The following RARB variants were observed in gnomAD, a reference collection of about 807,000 sequenced individuals.
The protein encoded by RARB is HBV-activated protein.
RARB carries 17 observed loss-of-function variants against 51.9 expected under a neutral mutation model. The observed-to-expected ratio is 0.33, with a 90% confidence interval of 0.22 to 0.49. The LOEUF is 0.49. Ranked by LOEUF, RARB falls within the 20% of genes least tolerant of loss-of-function variation. RARB has a pLI of 0.99. For synonymous variants in RARB, 215 were observed against 195.4 expected, an observed-to-expected ratio of 1.10 and a Z score of -0.84; for missense variants, 369 against 550.8, an observed-to-expected ratio of 0.67 and a Z score of 3.30.
intron 2 of RARB, among the ~76,000 whole-genome samples, chr3:24,909,273 A>C (rs1032462595): frequency 6.6e-6 from 1 of 152,224 alleles, no homozygotes; most frequent in Admixed American, 6.5e-5. Flanking sequence ...TCATTCATTC[A>C]ACAAATATTC....
At chr3:24,865,264 A>G (rs1702825598) in intron 2 of RARB, among the ~76,000 whole-genome samples, 2 of 152,246 alleles carry the variant, frequency 1.3e-5, no homozygotes, top group South Asian at 4.1e-4. Flanking sequence ...CGTGCACTCA[A>G]GTCTCACAGT....
chr3:25,469,587 A>G (rs1481265991), intron 2 of RARB, among the ~76,000 whole-genome samples: 2 of 152,206 alleles, frequency 1.3e-5, no homozygotes, highest in African/African-American at 4.8e-5. Context: ...AGACCCAAAA[A>G]GCGTCCCTCT....
intron 5 of RARB, among the ~76,000 whole-genome samples, chr3:25,242,334 CT>C (rs1702452295): frequency 6.6e-6 from 1 of 152,108 alleles, no homozygotes; most frequent in Non-Finnish European, 1.5e-5. Context: ...GAAATTTTGG[CT>C]TTTGTTGACA....
At chr3:25,391,413 T>C (rs930371383) in intron 5 of RARB, among the ~76,000 whole-genome samples, 5 of 152,128 alleles carry the variant, frequency 3.3e-5, no homozygotes, top group South Asian at 2.1e-4. Flanking sequence ...AAATACTCAA[T>C]AGTGGGATTG....
intron 2 of RARB, among the ~76,000 whole-genome samples, chr3:24,997,020 T>C (rs1697054738): frequency 6.6e-6 from 1 of 152,116 alleles, no homozygotes; most frequent in South Asian, 2.1e-4. Context: ...GTTGTTTTTC[T>C]ATCTACACGA....
intron 5 of RARB, among the ~76,000 whole-genome samples, chr3:25,365,406 CTG>C (rs1388780457): frequency 6.6e-6 from 1 of 151,806 alleles, no homozygotes; most frequent in African/African-American, 2.4e-5. Flanking sequence ...GCCACCATGC[CTG>C]TCTCATCCAT....
chr3:25,198,330 A>G (rs1701297985), intron 5 of RARB, among the ~76,000 whole-genome samples: 1 of 152,080 alleles, frequency 6.6e-6, no homozygotes, highest in Admixed American at 6.6e-5. Flanking sequence ...CTAAAAGAAA[A>G]TATTGGGGAA....
intron 5 of RARB, among the ~76,000 whole-genome samples, chr3:25,198,988 A>G (rs1047396059): frequency 6.6e-6 from 1 of 152,134 alleles, no homozygotes; most frequent in Non-Finnish European, 1.5e-5. Context: ...AGATATCTGC[A>G]TTCTCATGTT....
rs542380161 is a variant in RARB, at chr3:25,483,062, G to T, written c.307-18120G>T. ...TTCAAGTGCTCAATAGCTACATGTGGCTAGTGGCTACTGTAGTGGACAGAA... is the reference window on the plus strand; with the variant it reads ...TTCAAGTGCTCAATAGCTACATGTGTCTAGTGGCTACTGTAGTGGACAGAA... On this transcript the variant is annotated intron_variant, in intron 2 of 7. Coordinates refer to ENST00000330688, the MANE Select transcript of RARB (RefSeq NM_000965.5). Among the ~76,000 whole-genome samples the T allele has an allele frequency of 3.9e-5, 6 of 152,264 alleles. No homozygotes were observed. In the South Asian group the frequency reaches 1.2e-3, roughly 32 times the overall value.
At chr3:25,409,135 G>T (rs565185801) in intron 5 of RARB, among the ~76,000 whole-genome samples, 1 of 152,282 alleles carries the variant, frequency 6.6e-6, no homozygotes, top group Non-Finnish European at 1.5e-5. Flanking sequence ...GGACTCGCTG[G>T]CCTCAGTGAC....
At chr3:25,182,875 G>T (rs1156828141) in intron 5 of RARB, among the ~76,000 whole-genome samples, 1 of 152,082 alleles carries the variant, frequency 6.6e-6, no homozygotes. Context: ...CCTTATAAAA[G>T]GGGGAAATTT....
chr3:25,416,370 C>T (rs971056333), intron 5 of RARB, among the ~76,000 whole-genome samples: 29 of 152,186 alleles, frequency 1.9e-4, no homozygotes, highest in Admixed American at 1.9e-3. Flanking sequence ...GCCTGGATAA[C>T]AAAGTGAGAC....
intron 5 of RARB, among the ~76,000 whole-genome samples, chr3:25,194,437 G>T (rs1039070842): frequency 1.3e-5 from 2 of 150,950 alleles, no homozygotes; most frequent in Admixed American, 1.3e-4. Flanking sequence ...AGCATAATTT[G>T]CTTGACAGTA....
At chr3:25,254,488 A>G (rs1471093653) in intron 5 of RARB, among the ~76,000 whole-genome samples, 1 of 152,214 alleles carries the variant, frequency 6.6e-6, no homozygotes, top group Non-Finnish European at 1.5e-5. Context: ...AAATGCATCA[A>G]GAATAATGGA....
Position 25,121,453 on chromosome 3 carries a change from G to A in RARB, c.-327-10708G>A, listed in dbSNP as rs1290445442. ...GGAAAATGTAACACAGTTAATTGAT[G>A]TATAAACAACCCAGTAAAGATGGAT... On this transcript the variant is annotated intron_variant, in intron 3 of 11. Coordinates refer to the RARB transcript ENST00000383772. Among the ~76,000 whole-genome samples, 5 of 152,222 alleles carry A rather than the reference G, an allele frequency of 3.3e-5. No homozygotes were observed. In the East Asian group the frequency reaches 7.7e-4, roughly 24 times the overall value.
chr3:24,981,911 A>G (rs1267465085), intron 2 of RARB, among the ~76,000 whole-genome samples: 1 of 152,144 alleles, frequency 6.6e-6, no homozygotes, highest in Non-Finnish European at 1.5e-5. Context: ...CTATTCTGCC[A>G]TCTTAGAATC....
At chr3:25,580,409 A>T in intron 4 of RARB, 137 bp from the exon 5 acceptor site, 1 of 783,946 alleles carries the variant, frequency 1.3e-6, no homozygotes, top group Non-Finnish European at 1.9e-6. Context: ...AGGCTAAAAA[A>T]AATGTAGCTG....
chr3:25,034,289 C>T (rs546607445), intron 2 of RARB, among the ~76,000 whole-genome samples: 3 of 152,188 alleles, frequency 2.0e-5, no homozygotes, highest in East Asian at 1.9e-4. Flanking sequence ...CAGCCTGGGC[C>T]GCACAGGGAG....
At chr3:24,984,434 G>A (rs1218335336) in intron 2 of RARB, among the ~76,000 whole-genome samples, 1 of 152,130 alleles carries the variant, frequency 6.6e-6, no homozygotes, top group Non-Finnish European at 1.5e-5. Context: ...ATAAAGTGTG[G>A]GTGGGTGAGG....
Sources: gnomAD v4.1 joint callset for allele counts (sites outside exome capture counted in the v4.1 genomes callset) on GRCh38, gnomAD v4.1.1 for gene constraint, MANE v1.5 for transcripts, NCBI Gene and HGNC (gene_info 2026-07-23, HGNC 2026-07-21) for gene names.